The following OR14I1 variants were observed in gnomAD, a reference collection of about 807,000 sequenced individuals.
OR14I1 encodes the protein olfactory receptor 14I1.
For synonymous variants in OR14I1, 118 were observed against 71.1 expected (o/e 1.66, Z -3.32); for missense variants, 279 against 181.8 (o/e 1.53, Z -3.07).
chr1:248,690,628 A>G, the OR14I1 span, among the ~76,000 whole-genome samples: 77 of 6,902 alleles, frequency 0.011, no homozygotes, highest in African/African-American at 0.018. Flanking sequence ...AAAAAAGCCC[A>G]GGAACAGACG....
the OR14I1 span, among the ~76,000 whole-genome samples, chr1:248,687,578 G>A: frequency 1.3e-5 from 2 of 152,204 alleles, no homozygotes; most frequent in African/African-American, 2.4e-5. Flanking sequence ...TTTTTCAAAT[G>A]AGGAAAGTGA....
chr1:248,687,273 G>A (rs1320216822), upstream of OR14I1, among the ~76,000 whole-genome samples: 2 of 152,304 alleles, frequency 1.3e-5, no homozygotes, highest in Non-Finnish European at 2.9e-5. Flanking sequence ...ATAATAAATT[G>A]TTTTACTTCA....
rs1272040059 is a variant in OR14I1 at position 248,681,583 on chromosome 1, G to A, written c.722C>T (p.Pro241Leu). 9.0e-6 allele frequency: 7 copies of A among 781,036 alleles called. No individual in the cohort carries two copies. In the East Asian group the frequency reaches 9.7e-5, roughly 11 times the overall value. 48.4% of individuals were successfully genotyped at this position (781,036 alleles called of 1,614,324 possible). The stretch of plus-strand genomic sequence containing the variant: ...AAAGAGCATGATGACAATGAGCTGG[G>A]GGGAGCAGGTGGAGAAGGCTTTTGC... The change falls in exon 1 of 1, where the codon CCC (proline) becomes CTC (leucine). Residue 241 changes from proline (P) to leucine (L), a missense_variant. Physicochemically the swap from Pro to Leu is moderately conservative, Grantham distance 98. Coordinates refer to ENST00000342623, the Ensembl canonical transcript of OR14I1.
chr1:248,689,951 A>G, the OR14I1 span, among the ~76,000 whole-genome samples: 1 of 152,240 alleles, frequency 6.6e-6, no homozygotes, highest in Non-Finnish European at 1.5e-5. Context: ...CTACATGGAA[A>G]CTGAACAACC....
At chr1:248,698,034 G>A in the OR14I1 span, among the ~76,000 whole-genome samples, 3 of 152,160 alleles carry the variant, frequency 2.0e-5, no homozygotes, top group African/African-American at 7.2e-5. Context: ...AAATGCAGTG[G>A]GCTGAGTTCC....
upstream of OR14I1, among the ~76,000 whole-genome samples, chr1:248,684,753 C>CAT (rs5782531): frequency 2.3e-3 from 346 of 148,298 alleles, 2 homozygotes; most frequent in African/African-American, 8.7e-3. Flanking sequence ...AATACACACA[C>CAT]ATACATATAT....
chr1:248,683,505 A>G (rs1389141853), upstream of OR14I1, among the ~76,000 whole-genome samples: 1 of 152,236 alleles, frequency 6.6e-6, no homozygotes, highest in African/African-American at 2.4e-5. Context: ...AAACTCTATT[A>G]AGCACATAAA....
chr1:248,683,120 G>T (rs1240462304), upstream of OR14I1, among the ~76,000 whole-genome samples: 1 of 152,046 alleles, frequency 6.6e-6, no homozygotes, highest in Non-Finnish European at 1.5e-5. Flanking sequence ...CAAATAAGTT[G>T]CCCAATGCAC....
At chr1:248,690,600 CAAAAAAAA>C in the OR14I1 span, among the ~76,000 whole-genome samples, 370 of 51,534 alleles carry the variant, frequency 7.2e-3, 2 homozygotes, top group Middle Eastern at 0.071. Context: ...GTCTACCAAC[CAAAAAAAA>C]AAAAAAAAAA....
chr1:248,684,039 G>GAA (rs200822312), upstream of OR14I1, among the ~76,000 whole-genome samples: 18 of 59,892 alleles, frequency 3.0e-4, 1 homozygote, highest in South Asian at 0.013. Context: ...TCTCAAAAAG[G>GAA]AAAAACAAAA....
At chr1:248,698,250 A>G in the OR14I1 span, among the ~76,000 whole-genome samples, 11 of 152,256 alleles carry the variant, frequency 7.2e-5, no homozygotes, top group African/African-American at 2.7e-4. Flanking sequence ...CAATCACTCG[A>G]TTGCTATTGA....
the OR14I1 span, among the ~76,000 whole-genome samples, chr1:248,690,116 C>A: frequency 6.6e-6 from 1 of 152,064 alleles, no homozygotes; most frequent in Non-Finnish European, 1.5e-5. Context: ...ATGGCCACAT[C>A]AGAAAGCAGG....
chr1:248,684,314 T>C (rs1020805307), upstream of OR14I1, among the ~76,000 whole-genome samples: 23 of 152,348 alleles, frequency 1.5e-4, 1 homozygote, highest in Admixed American at 1.4e-3. Flanking sequence ...AGAAAACATA[T>C]GTCTGGCAAG....
chr1:248,701,342 C>CGGGG, the OR14I1 span, among the ~76,000 whole-genome samples: 6 of 151,062 alleles, frequency 4.0e-5, no homozygotes, highest in Non-Finnish European at 8.8e-5. Flanking sequence ...TAAGTAGAGA[C>CGGGG]GGGGTTTCAC....
At chr1:248,682,002 A>G (rs773968016) in exon 1 of OR14I1, 1 of 780,934 alleles carries the variant, frequency 1.3e-6, no homozygotes, top group African/African-American at 1.7e-5. Context: ...AGGCAGAGAA[A>G]AAATAGACTT....
At chr1:248,696,185 A>G in the OR14I1 span, among the ~76,000 whole-genome samples, 1 of 152,184 alleles carries the variant, frequency 6.6e-6, no homozygotes, top group Non-Finnish European at 1.5e-5. Context: ...GGTGTCACAT[A>G]CTACTCATCC....
chr1:248,681,994 G>A (rs1184882026), exon 1 of OR14I1: 1 of 780,886 alleles, frequency 1.3e-6, no homozygotes, highest in African/African-American at 1.7e-5. Context: ...AGATGCAAAG[G>A]CAGAGAAAAA....
the OR14I1 span, among the ~76,000 whole-genome samples, chr1:248,693,445 A>C: frequency 6.6e-6 from 1 of 152,226 alleles, no homozygotes; most frequent in Non-Finnish European, 1.5e-5. Flanking sequence ...CCAGCATCAC[A>C]GTAAAAATAG....
At chr1:248,699,344 T>G in the OR14I1 span, among the ~76,000 whole-genome samples, 1 of 152,330 alleles carries the variant, frequency 6.6e-6, no homozygotes, top group Non-Finnish European at 1.5e-5. Context: ...GCAGAAGCAC[T>G]CTGCTTAAGG....
Sources: allele counts gnomAD v4.1 joint callset (sites outside exome capture counted in the v4.1 genomes callset), GRCh38; gene constraint gnomAD v4.1.1; transcripts MANE v1.5; gene names NCBI Gene and HGNC (gene_info 2026-07-23, HGNC 2026-07-21).